Variants in GABRG3 observed in about 807,000 individuals in gnomAD.
GABRG3 encodes gamma-aminobutyric acid receptor subunit gamma-3.
GABRG3 carries 25 observed loss-of-function variants against 48.8 expected under a neutral mutation model. The observed-to-expected ratio is 0.51, with a 90% CI of 0.37 to 0.72. The LOEUF (loss-of-function observed/expected upper bound fraction) is 0.72. Among genes scored for constraint, GABRG3 ranks in the 30% least tolerant of loss-of-function variants. The probability of loss-of-function intolerance (pLI) is 0.00; values close to 1 mark genes in which losing one functional copy is unlikely to be tolerated. For missense variants in GABRG3, 394 were observed against 577.9 expected (o/e 0.68, Z 3.26); for synonymous variants, 227 against 217.6 (o/e 1.04, Z -0.38).
intron 3 of GABRG3, among the ~76,000 whole-genome samples, chr15:27,039,858 A>G (rs77076483): frequency 0.012 from 1,849 of 152,178 alleles, 40 homozygotes; most frequent in African/African-American, 0.042. Flanking sequence ...ATCCACCCCT[A>G]TTGCCCCTGG....
At chr15:27,249,292 G>A (rs746199324) in intron 3 of GABRG3, among the ~76,000 whole-genome samples, 11 of 152,108 alleles carry the variant, frequency 7.2e-5, no homozygotes, top group African/African-American at 2.4e-4. Flanking sequence ...ATGAAACCGC[G>A]GGGCTGGGCA....
chr15:27,180,785 C>T lies in GABRG3; in HGVS notation c.271-146024C>T, dbSNP rs911806283. ...GGCCCTAAATCCACTGACTAATGCT[C>T]TTATCCACTCACATTTTGTCACTAT... On this transcript the variant is annotated intron_variant, in intron 3 of 9. Coordinates refer to ENST00000615808, the MANE Select transcript of GABRG3 (RefSeq NM_033223.5). This position sits in a 1 kb window ranked among gnomAD's most constrained non-coding sequence, Gnocchi z 4.2. Among the ~76,000 whole-genome samples, 9 of 152,182 alleles carry T rather than the reference C, an allele frequency of 5.9e-5. No homozygotes were observed. The highest frequency in any genetic ancestry group is 1.9e-4 in the African/African-American group (8 of 41,450).
chr15:27,009,361 A>G (rs1895645173), intron 2 of GABRG3, among the ~76,000 whole-genome samples: 2 of 152,178 alleles, frequency 1.3e-5, no homozygotes. Flanking sequence ...TACTAGTCCT[A>G]CCAAGATATT....
intron 5 of GABRG3, among the ~76,000 whole-genome samples, chr15:27,477,852 A>G (rs974025709): frequency 1.3e-5 from 2 of 152,134 alleles, no homozygotes; most frequent in African/African-American, 2.4e-5. Context: ...CATCCTGGCT[A>G]ACATGGTGAA....
rs1016495940 is a variant in GABRG3 at position 27,026,697 on chromosome 15, C to T, written c.203-57C>T. ...TATGAGACTTTAGGACTTGAATGTG[C>T]TCTCCTCTGTCTTTCTCCGGCACGA... is the stretch of plus-strand genomic sequence containing the variant. On this transcript the variant is annotated intron_variant, in intron 2 of 9. Coordinates refer to ENST00000615808, the MANE Select transcript of GABRG3 (RefSeq NM_033223.5). 8.5e-6 allele frequency: 11 copies of T among 1,294,318 alleles called. No individual in the cohort carries two copies. In the Admixed American group the frequency reaches 1.4e-4, roughly 17 times the overall value. 80.2% of individuals were successfully genotyped at this position (1,294,318 alleles called of 1,614,324 possible).
intron 5 of GABRG3, among the ~76,000 whole-genome samples, chr15:27,347,656 C>CT (rs976921216): frequency 6.6e-6 from 1 of 152,178 alleles, no homozygotes; most frequent in Non-Finnish European, 1.5e-5. Flanking sequence ...TGCATTTTCA[C>CT]TTTGAGAACC....
At chr15:27,092,583 C>T (rs937716751) in intron 3 of GABRG3, among the ~76,000 whole-genome samples, 3 of 152,128 alleles carry the variant, frequency 2.0e-5, no homozygotes, top group African/African-American at 4.8e-5. Flanking sequence ...CGTGTTGCCC[C>T]GTCCGTGTGA....
chr15:27,437,160 C>T (rs1888643943), intron 5 of GABRG3, among the ~76,000 whole-genome samples: 1 of 151,774 alleles, frequency 6.6e-6, no homozygotes, highest in Admixed American at 6.6e-5. Flanking sequence ...CACATGCTAA[C>T]CTGTTAAAAT....
rs1374110534 is a variant in GABRG3 at position 27,350,350 on chromosome 15, A to G, written c.574+21462A>G. On this transcript the variant is annotated intron_variant, in intron 5 of 9. Coordinates refer to ENST00000615808, the MANE Select transcript of GABRG3 (RefSeq NM_033223.5). ...TTCTGACTTCTCATCGCGTGTTCTC[A>G]CTACTCAACACTGGGAGGAACCATT... The G allele has an allele frequency of 6.3e-5, 22 of 349,736 alleles. No homozygotes were observed. The East Asian group carries it at 1.6e-3, about 26-fold the overall frequency. The allele number at this position is 349,736 out of a possible 1,614,324, so 21.7% of individuals were successfully genotyped here.
At chr15:27,192,851 C>G (rs1294842774) in intron 3 of GABRG3, among the ~76,000 whole-genome samples, 3 of 152,064 alleles carry the variant, frequency 2.0e-5, no homozygotes, top group African/African-American at 7.2e-5. Flanking sequence ...GTGGTTTTAT[C>G]TGCTTTTGGT....
chr15:27,195,829 T>A (rs1256706571), intron 3 of GABRG3, among the ~76,000 whole-genome samples: 1 of 152,116 alleles, frequency 6.6e-6, no homozygotes, highest in Non-Finnish European at 1.5e-5. Context: ...GAGACGGGGT[T>A]TCACTATTTT....
At chr15:27,093,217 G>A (rs1048859312) in intron 3 of GABRG3, among the ~76,000 whole-genome samples, 3 of 152,142 alleles carry the variant, frequency 2.0e-5, no homozygotes, top group African/African-American at 7.2e-5. Flanking sequence ...AGGTTGGTGA[G>A]GTGGAGGCAG....
intron 3 of GABRG3, among the ~76,000 whole-genome samples, chr15:27,154,961 C>T (rs1898391647): frequency 6.6e-6 from 1 of 151,818 alleles, no homozygotes; most frequent in Admixed American, 6.6e-5. Flanking sequence ...TGCTTTCTGT[C>T]AATTTTTGAG....
chr15:27,026,225 A>C (rs1013288448), intron 2 of GABRG3, among the ~76,000 whole-genome samples: 2 of 152,218 alleles, frequency 1.3e-5, no homozygotes, highest in Non-Finnish European at 2.9e-5. Context: ...GATAACAATA[A>C]ATAATATTTC....
At chr15:27,267,608 A>C (rs1484963676) in intron 3 of GABRG3, among the ~76,000 whole-genome samples, 2 of 152,114 alleles carry the variant, frequency 1.3e-5, no homozygotes, top group Non-Finnish European at 2.9e-5. Flanking sequence ...GCTAATCTTA[A>C]GAATTTTTTG....
intron 3 of GABRG3, among the ~76,000 whole-genome samples, chr15:27,285,456 C>A (rs1036567227): frequency 6.6e-6 from 1 of 151,948 alleles, no homozygotes; most frequent in African/African-American, 2.4e-5. Context: ...ATTACAATGT[C>A]CCCACAAAAA....
intron 3 of GABRG3, among the ~76,000 whole-genome samples, chr15:27,200,776 G>T (rs1888656079): frequency 6.6e-6 from 1 of 152,098 alleles, no homozygotes; most frequent in African/African-American, 2.4e-5. Flanking sequence ...ACAAAAGCTG[G>T]CCTCGGGGTG....
intron 5 of GABRG3, among the ~76,000 whole-genome samples, chr15:27,393,063 G>C (rs1470833179): frequency 6.6e-6 from 1 of 152,108 alleles, no homozygotes; most frequent in African/African-American, 2.4e-5. Flanking sequence ...ATCTGGATGT[G>C]GTCTGGGCGC....
intron 6 of GABRG3, among the ~76,000 whole-genome samples, chr15:27,510,596 T>C (rs2150858289): frequency 6.6e-6 from 1 of 152,316 alleles, no homozygotes; most frequent in South Asian, 2.1e-4. Context: ...TTTAAAAAGA[T>C]GGTGGTGTTC....
Sources: gnomAD v4.1 joint callset for allele counts (sites outside exome capture counted in the v4.1 genomes callset) on GRCh38, gnomAD v4.1.1 for gene constraint, Gnocchi (gnomAD v3.1) non-coding constraint, MANE v1.5 for transcripts, NCBI Gene and HGNC (gene_info 2026-07-23, HGNC 2026-07-21) for gene names.